Variants in AVEN observed in about 807,000 individuals in gnomAD.
AVEN encodes the protein apoptosis and caspase activation inhibitor, also known as cell death regulator Aven.
AVEN carries 41 observed loss-of-function variants against 38.1 expected under a neutral mutation model. The ratio of observed to expected loss-of-function variants is 1.08; its 90% CI spans 0.84 to 1.40. AVEN has a LOEUF of 1.40. Among genes scored for constraint, AVEN ranks in the 40% most tolerant of loss-of-function variants. The pLI is 0.00. For missense variants in AVEN, 605 were observed against 438.8 expected (o/e 1.38, Z -3.38); for synonymous variants, 206 against 171.8 (o/e 1.20, Z -1.56).
intron 2 of AVEN, among the ~76,000 whole-genome samples, chr15:33,946,655 G>C (rs971895322): frequency 6.6e-6 from 1 of 152,192 alleles, no homozygotes; most frequent in Non-Finnish European, 1.5e-5. Context: ...TTTTGCTACA[G>C]AGCAGAGATC....
downstream of AVEN, among the ~76,000 whole-genome samples, chr15:33,857,005 G>C (rs2079746842): frequency 6.6e-6 from 1 of 152,140 alleles, no homozygotes; most frequent in African/African-American, 2.4e-5. Context: ...ACATTGTGAA[G>C]CCTCAGGTAA....
At chr15:34,027,437 G>T (rs528375656) in intron 1 of AVEN, among the ~76,000 whole-genome samples, 2 of 151,358 alleles carry the variant, frequency 1.3e-5, no homozygotes. Context: ...GCTGAGGCAG[G>T]AGAATCGCTT....
chr15:33,999,945 C>G (rs536206402), intron 2 of AVEN, among the ~76,000 whole-genome samples: 1 of 152,226 alleles, frequency 6.6e-6, no homozygotes, highest in Non-Finnish European at 1.5e-5. Context: ...TACAATACTA[C>G]GCGATCTGGC....
At chr15:33,901,445 C>A (rs1892496430) in intron 2 of AVEN, among the ~76,000 whole-genome samples, 1 of 152,188 alleles carries the variant, frequency 6.6e-6, no homozygotes, top group Non-Finnish European at 1.5e-5. Flanking sequence ...TATCTTCGCT[C>A]TTGTGAATAA....
chr15:34,007,053 A>G (rs1316470327), intron 1 of AVEN: 44 of 984,310 alleles, frequency 4.5e-5, no homozygotes, highest in Non-Finnish European at 5.2e-5. Context: ...ATACCTGGAC[A>G]TCGGTCACTG....
intron 2 of AVEN, among the ~76,000 whole-genome samples, chr15:33,988,316 T>C (rs113226274): frequency 2.2e-4 from 34 of 152,244 alleles, no homozygotes; most frequent in Admixed American, 6.5e-5. Flanking sequence ...AATTCCAACC[T>C]TGAAGCCAGG....
At chr15:33,951,090 G>A (rs528316738) in intron 2 of AVEN, among the ~76,000 whole-genome samples, 2 of 150,314 alleles carry the variant, frequency 1.3e-5, no homozygotes, top group East Asian at 2.0e-4. Context: ...AGTGGGGGGA[G>A]GAAGAAAACA....
At chr15:34,024,947 C>T (rs1898386986) in intron 1 of AVEN, among the ~76,000 whole-genome samples, 1 of 151,794 alleles carries the variant, frequency 6.6e-6, no homozygotes, top group South Asian at 2.1e-4. Context: ...CTTTGGGAGG[C>T]CAAGGCAGGT....
intron 2 of AVEN, among the ~76,000 whole-genome samples, chr15:33,923,165 TTACCATGCTTTTGTTCC>T (rs1893469599): frequency 1.3e-5 from 2 of 152,120 alleles, no homozygotes; most frequent in Non-Finnish European, 2.9e-5. Context: ...AGCTTGGTAA[TTACCATGCTTTTGTTCC>T]ATTTCAATGA....
At chr15:33,854,839 A>T, downstream of AVEN, 1 of 1,613,760 alleles carries the variant, frequency 6.2e-7, no homozygotes, top group Non-Finnish European at 8.5e-7. Context: ...TTTGCTGCTC[A>T]CCTATTGGAC....
chr15:34,000,541 A>AT (rs1897098836), intron 2 of AVEN, among the ~76,000 whole-genome samples: 1 of 152,132 alleles, frequency 6.6e-6, no homozygotes, highest in South Asian at 2.1e-4. Flanking sequence ...AACCAACAAT[A>AT]TTTTTTCTCA....
chr15:34,037,472 G>T (rs4477671), intron 1 of AVEN, among the ~76,000 whole-genome samples: 22,070 of 149,680 alleles, frequency 0.15, 2,035 homozygotes, highest in Middle Eastern at 0.27. Context: ...TCTATATATG[G>T]ATATATAAAT....
chr15:33,965,560 A>G (rs908938689), intron 2 of AVEN, among the ~76,000 whole-genome samples: 1 of 152,160 alleles, frequency 6.6e-6, no homozygotes, highest in Non-Finnish European at 1.5e-5. Context: ...AGAAAAAATC[A>G]TTTATCTTAT....
At chr15:33,963,519 G>A (rs1030700996) in intron 2 of AVEN, among the ~76,000 whole-genome samples, 7 of 152,092 alleles carry the variant, frequency 4.6e-5, no homozygotes, top group East Asian at 1.9e-4. Flanking sequence ...GAACCCAGCC[G>A]GGCGCGGTGG....
chr15:33,924,178 T>C (rs971264485), intron 2 of AVEN, among the ~76,000 whole-genome samples: 1 of 151,896 alleles, frequency 6.6e-6, no homozygotes, highest in Non-Finnish European at 1.5e-5. Flanking sequence ...CCACTATTTG[T>C]TGAGTGCCTA....
At chr15:33,960,522 C>T (rs1314250432) in intron 2 of AVEN, among the ~76,000 whole-genome samples, 1 of 152,068 alleles carries the variant, frequency 6.6e-6, no homozygotes, top group Non-Finnish European at 1.5e-5. Flanking sequence ...CTCAGAACTA[C>T]ATTCATCACT....
At chr15:33,942,581 G>A (rs1322124731) in intron 2 of AVEN, among the ~76,000 whole-genome samples, 24 of 152,020 alleles carry the variant, frequency 1.6e-4, no homozygotes, top group Admixed American at 1.6e-3. Flanking sequence ...CTCCCAAGTA[G>A]CTGGGACTAC....
At chr15:33,953,343 C>G (rs1487693809) in intron 2 of AVEN, among the ~76,000 whole-genome samples, 1 of 152,020 alleles carries the variant, frequency 6.6e-6, no homozygotes, top group Non-Finnish European at 1.5e-5. Flanking sequence ...CAATTCTATG[C>G]AAAAAGAACA....
chr15:33,940,652 C>T (rs866500482), intron 2 of AVEN, among the ~76,000 whole-genome samples: 1 of 152,166 alleles, frequency 6.6e-6, no homozygotes, highest in Non-Finnish European at 1.5e-5. Context: ...AGCGATTCTC[C>T]TGCCTCAGCC....
Sources: gnomAD v4.1 joint callset for allele counts (sites outside exome capture counted in the v4.1 genomes callset) on GRCh38, gnomAD v4.1.1 for gene constraint, MANE v1.5 for transcripts, NCBI Gene and HGNC (gene_info 2026-07-23, HGNC 2026-07-21) for gene names.